Variants in PDK1 observed in about 807,000 individuals in gnomAD.
PDK1 encodes the protein pyruvate dehydrogenase kinase 1.
Under a neutral mutation model 54.2 loss-of-function variants are expected in PDK1, and 39 were observed. The observed-to-expected ratio is 0.72, with a 90% CI of 0.56 to 0.94. The LOEUF (loss-of-function observed/expected upper bound fraction) is 0.94, where lower values mean the gene tolerates loss of function less well. Ranked by LOEUF, PDK1 falls within the 40% of genes least tolerant of loss-of-function variation. The probability of loss-of-function intolerance (pLI) is 0.00; values close to 1 mark genes in which losing one functional copy is unlikely to be tolerated. For synonymous variants in PDK1, 221 were observed against 207.1 expected (o/e 1.07, Z -0.58); for missense variants, 552 against 566.0 (o/e 0.98, Z 0.25).
the PDK1 span, among the ~76,000 whole-genome samples, chr2:172,682,516 G>T: frequency 6.6e-6 from 1 of 152,206 alleles, no homozygotes; most frequent in Admixed American, 6.5e-5. Context: ...AGTTGTCAGT[G>T]GAAGCAGCTG....
At chr2:172,614,679 C>T in the PDK1 span, among the ~76,000 whole-genome samples, 4 of 152,194 alleles carry the variant, frequency 2.6e-5, no homozygotes, top group African/African-American at 7.2e-5. Flanking sequence ...AGGAGCCACC[C>T]ACTCCTCTGA....
the PDK1 span, among the ~76,000 whole-genome samples, chr2:172,671,318 A>C: frequency 5.9e-5 from 9 of 151,310 alleles, no homozygotes; most frequent in Non-Finnish European, 5.9e-5. Flanking sequence ...TACTATAAAT[A>C]ATTATGTTAT....
chr2:172,691,527 G>A, the PDK1 span: 1 of 152,196 alleles, frequency 6.6e-6, no homozygotes, highest in Non-Finnish European at 1.5e-5. Flanking sequence ...TCATTACAGA[G>A]TAGATTCACT....
the PDK1 span, among the ~76,000 whole-genome samples, chr2:172,673,365 C>A: frequency 6.6e-6 from 1 of 152,154 alleles, no homozygotes; most frequent in Admixed American, 6.5e-5. Flanking sequence ...TAAATTCCAC[C>A]ATTTTGTCCC....
At chr2:172,595,253 A>G (rs1690825624) in intron 10 of PDK1, among the ~76,000 whole-genome samples, 1 of 152,042 alleles carries the variant, frequency 6.6e-6, no homozygotes. Flanking sequence ...TATTTTTTGT[A>G]GAGACAGGAT....
At chr2:172,638,208 A>G in the PDK1 span, among the ~76,000 whole-genome samples, 1 of 152,218 alleles carries the variant, frequency 6.6e-6, no homozygotes, top group Non-Finnish European at 1.5e-5. Flanking sequence ...TGGCACTTTT[A>G]TTTAAAAAAG....
the PDK1 span, among the ~76,000 whole-genome samples, chr2:172,706,196 A>G: frequency 1.3e-5 from 2 of 151,824 alleles, no homozygotes; most frequent in African/African-American, 2.4e-5. Flanking sequence ...CATTTCTACA[A>G]TTTTGTTATT....
chr2:172,702,018 C>T, the PDK1 span, among the ~76,000 whole-genome samples: 2 of 152,064 alleles, frequency 1.3e-5, no homozygotes, highest in South Asian at 4.2e-4. Flanking sequence ...ATGTTATCTT[C>T]CTCCAAAAAG....
In PDK1 at chr2:172,579,797, G is replaced by C. The variant is rs150710520; in HGVS notation, c.946-6481G>C. 2.2e-3 allele frequency among the ~76,000 whole-genome samples: 328 copies of C among 150,548 alleles called. 1 individual carries two copies. The highest frequency in any genetic ancestry group is 7.4e-3 in the African/African-American group (305 of 41,022). On this transcript the variant is annotated intron_variant, in intron 8 of 10. Transcript: ENST00000282077. ...TCTTACTTACTGGGCTGTGGTCTTTGAACTTCCCATTATTTTCTTGATATT... is the reference window on the plus strand; with the variant it reads ...TCTTACTTACTGGGCTGTGGTCTTTCAACTTCCCATTATTTTCTTGATATT...
At chr2:172,695,851 A>G in the PDK1 span, among the ~76,000 whole-genome samples, 1 of 152,126 alleles carries the variant, frequency 6.6e-6, no homozygotes, top group African/African-American at 2.4e-5. Context: ...ACAGCTACAA[A>G]GAAATGAATT....
chr2:172,650,898 C>G, the PDK1 span, among the ~76,000 whole-genome samples: 1 of 152,154 alleles, frequency 6.6e-6, no homozygotes, highest in Non-Finnish European at 1.5e-5. Context: ...TTTAACACCC[C>G]ACTGTCAACA....
chr2:172,655,147 G>A, the PDK1 span, among the ~76,000 whole-genome samples: 2 of 152,200 alleles, frequency 1.3e-5, no homozygotes, highest in Admixed American at 6.5e-5. Context: ...CCCTGCCCAC[G>A]TGGTGGCTGG....
the PDK1 span, among the ~76,000 whole-genome samples, chr2:172,652,216 A>C: frequency 6.6e-6 from 1 of 152,176 alleles, no homozygotes; most frequent in African/African-American, 2.4e-5. Flanking sequence ...AAAGACAAAA[A>C]CCACATGATT....
intron 2 of PDK1, among the ~76,000 whole-genome samples, chr2:172,561,575 G>C (rs1688657519): frequency 6.6e-6 from 1 of 152,226 alleles, no homozygotes; most frequent in Admixed American, 6.5e-5. Flanking sequence ...CATTGTACTT[G>C]CCTGCAAGAC....
chr2:172,644,506 C>T, the PDK1 span, among the ~76,000 whole-genome samples: 1 of 152,172 alleles, frequency 6.6e-6, no homozygotes, highest in African/African-American at 2.4e-5. Context: ...ATGAAACACA[C>T]AGAGTATAGA....
the PDK1 span, among the ~76,000 whole-genome samples, chr2:172,652,176 A>G: frequency 4.6e-5 from 7 of 152,214 alleles, no homozygotes; most frequent in African/African-American, 7.2e-5. Context: ...ACACAAATCA[A>G]TGAAAGTAAT....
the PDK1 span, among the ~76,000 whole-genome samples, chr2:172,681,093 G>C: frequency 1.3e-5 from 2 of 152,182 alleles, no homozygotes; most frequent in Non-Finnish European, 2.9e-5. Flanking sequence ...TCTTGTTTTG[G>C]ACTGTAATAA....
chr2:172,637,994 C>T, the PDK1 span, among the ~76,000 whole-genome samples: 1 of 152,110 alleles, frequency 6.6e-6, no homozygotes, highest in Admixed American at 6.5e-5. Context: ...TGCACCCAGC[C>T]TGCATTTATT....
chr2:172,681,639 T>A, the PDK1 span, among the ~76,000 whole-genome samples: 1 of 152,164 alleles, frequency 6.6e-6, no homozygotes, highest in Non-Finnish European at 1.5e-5. Flanking sequence ...AGATAGACAA[T>A]ACACATAATA....
Sources: gnomAD v4.1 joint callset for allele counts (sites outside exome capture counted in the v4.1 genomes callset) on GRCh38, gnomAD v4.1.1 for gene constraint, MANE v1.5 for transcripts, NCBI Gene and HGNC (gene_info 2026-07-23, HGNC 2026-07-21) for gene names.